The following SLIT3 variants were observed in gnomAD, a reference collection of about 807,000 sequenced individuals.
SLIT3 encodes the protein slit homolog 3 protein.
In SLIT3, 68 loss-of-function variants were observed where a neutral mutation model predicts 184.0. That is an observed-to-expected ratio of 0.37 (90% CI 0.30 to 0.45). The LOEUF is 0.45. Ranked by LOEUF, SLIT3 falls within the 20% of genes least tolerant of loss-of-function variation. SLIT3 has a pLI of 1.00. For missense variants in SLIT3, 1,707 were observed against 2,026.0 expected (o/e 0.84, Z 3.02); for synonymous variants, 831 against 828.6 (o/e 1.00, Z -0.05).
chr5:169,128,329 T>A (rs993270000), intron 4 of SLIT3, among the ~76,000 whole-genome samples: 2 of 150,850 alleles, frequency 1.3e-5, no homozygotes, highest in African/African-American at 4.9e-5. Flanking sequence ...TAAATTTGTC[T>A]GAAACACTGC....
chr5:169,122,386 T>C (rs948802437), intron 4 of SLIT3, among the ~76,000 whole-genome samples: 1 of 152,202 alleles, frequency 6.6e-6, no homozygotes, highest in African/African-American at 2.4e-5. Context: ...TTCTGGAAGG[T>C]GCCTGCCTTT....
intron 5 of SLIT3, among the ~76,000 whole-genome samples, chr5:168,845,623 G>A (rs1038088088): frequency 6.6e-6 from 1 of 151,592 alleles, no homozygotes; most frequent in Non-Finnish European, 1.5e-5. Flanking sequence ...CAGATACCAG[G>A]GTTTTTTTTT....
At chr5:168,989,323 A>G (rs545956531) in intron 4 of SLIT3, among the ~76,000 whole-genome samples, 13 of 152,350 alleles carry the variant, frequency 8.5e-5, no homozygotes, top group African/African-American at 3.1e-4. Context: ...GAAAGCACCT[A>G]TGAGAGGAAG....
intron 8 of SLIT3, among the ~76,000 whole-genome samples, chr5:168,812,906 T>G (rs373616946): frequency 6.6e-6 from 1 of 151,630 alleles, no homozygotes; most frequent in Admixed American, 6.6e-5. Flanking sequence ...AAAAAGACGA[T>G]GAAAAGGGAA....
At chr5:168,822,957 C>T (rs905158227) in intron 7 of SLIT3, among the ~76,000 whole-genome samples, 1 of 152,210 alleles carries the variant, frequency 6.6e-6, no homozygotes, top group Non-Finnish European at 1.5e-5. Flanking sequence ...AAACTAATCT[C>T]TTCTATCAGG....
intron 4 of SLIT3, among the ~76,000 whole-genome samples, chr5:169,123,844 A>G (rs1760978220): frequency 6.6e-6 from 1 of 152,138 alleles, no homozygotes; most frequent in Non-Finnish European, 1.5e-5. Flanking sequence ...GTTCCAGGCA[A>G]TTTGCTTGCT....
intron 3 of SLIT3, among the ~76,000 whole-genome samples, chr5:169,206,076 C>T (rs1333242250): frequency 1.3e-5 from 2 of 152,198 alleles, no homozygotes; most frequent in African/African-American, 4.8e-5. Flanking sequence ...AGATTGCCCC[C>T]AAAAGCTAAC....
intron 9 of SLIT3, among the ~76,000 whole-genome samples, chr5:168,802,991 A>G (rs1395253974): frequency 3.3e-5 from 5 of 151,422 alleles, no homozygotes; most frequent in Non-Finnish European, 7.4e-5. Flanking sequence ...GCTGGGATCC[A>G]CAGTCTATAC....
At chr5:169,181,504 G>T (rs529845001) in intron 4 of SLIT3, among the ~76,000 whole-genome samples, 1 of 152,248 alleles carries the variant, frequency 6.6e-6, no homozygotes, top group East Asian at 1.9e-4. Context: ...CACTTTGGGA[G>T]GCTGAGGTGG....
chr5:169,036,245 T>C (rs974477174), intron 4 of SLIT3: 1 of 152,300 alleles, frequency 6.6e-6, no homozygotes, highest in Non-Finnish European at 1.5e-5. Context: ...TGAAGTGCCT[T>C]TCCTCCTTCG....
chr5:169,079,113 G>A (rs1758863661), intron 4 of SLIT3, among the ~76,000 whole-genome samples: 1 of 152,132 alleles, frequency 6.6e-6, no homozygotes, highest in Non-Finnish European at 1.5e-5. Context: ...CAGAAAAGCA[G>A]ATCCTTGGCT....
intron 3 of SLIT3, among the ~76,000 whole-genome samples, chr5:169,196,023 C>T (rs1289971932): frequency 6.6e-6 from 1 of 152,130 alleles, no homozygotes; most frequent in Non-Finnish European, 1.5e-5. Flanking sequence ...GAAATTCTGT[C>T]CCTGTTGAAC....
At chr5:169,207,601 A>C (rs956487901) in intron 3 of SLIT3, among the ~76,000 whole-genome samples, 10 of 152,196 alleles carry the variant, frequency 6.6e-5, no homozygotes, top group African/African-American at 2.4e-4. Context: ...GTTCAAACTC[A>C]GCTTAGGCTT....
intron 35 of SLIT3, among the ~76,000 whole-genome samples, chr5:168,669,500 G>A (rs1455150127): frequency 1.3e-5 from 2 of 152,204 alleles, no homozygotes; most frequent in Non-Finnish European, 2.9e-5. Flanking sequence ...CGCTCTTTCT[G>A]AATTCCCAAC....
At chr5:169,175,477 T>A (rs1268442448) in intron 4 of SLIT3, among the ~76,000 whole-genome samples, 3 of 152,132 alleles carry the variant, frequency 2.0e-5, no homozygotes, top group Admixed American at 6.5e-5. Context: ...ATTTCCTCCA[T>A]AATAAAATGA....
intron 4 of SLIT3, among the ~76,000 whole-genome samples, chr5:168,902,099 C>G (rs1760892054): frequency 6.6e-6 from 1 of 152,122 alleles, no homozygotes; most frequent in Admixed American, 6.5e-5. Flanking sequence ...ACCATTTTGG[C>G]CAGTATGGTC....
intron 4 of SLIT3, among the ~76,000 whole-genome samples, chr5:169,143,795 G>A (rs12522634): frequency 0.19 from 29,426 of 151,246 alleles, 2,894 homozygotes; most frequent in South Asian, 0.29. Flanking sequence ...GCCAGAAAAC[G>A]AAAAAAAACA....
intron 1 of SLIT3, among the ~76,000 whole-genome samples, chr5:169,289,690 G>C (rs1021666829): frequency 6.6e-6 from 1 of 152,236 alleles, no homozygotes; most frequent in African/African-American, 2.4e-5. Context: ...TCAATACTAA[G>C]GCTATGGAGA....
At chr5:169,205,976 T>C (rs181519133) in intron 3 of SLIT3, among the ~76,000 whole-genome samples, 43 of 152,186 alleles carry the variant, frequency 2.8e-4, no homozygotes, top group Non-Finnish European at 5.7e-4. Context: ...GAAGCCAGAG[T>C]CAGGGCAAGC....
Sources: gnomAD v4.1 joint callset for allele counts (sites outside exome capture counted in the v4.1 genomes callset) on GRCh38, gnomAD v4.1.1 for gene constraint, MANE v1.5 for transcripts, NCBI Gene and HGNC (gene_info 2026-07-23, HGNC 2026-07-21) for gene names.